The following RCAN1 variants were observed in gnomAD, a reference collection of about 807,000 sequenced individuals.
RCAN1 encodes the protein regulator of calcineurin 1, also known as calcipressin-1.
RCAN1 carries 11 observed loss-of-function variants against 22.9 expected under a neutral mutation model. The ratio of observed to expected loss-of-function variants is 0.48; its 90% confidence interval spans 0.30 to 0.79. The LOEUF is 0.79. Ranked by LOEUF, RCAN1 falls within the 30% of genes least tolerant of loss-of-function variation. RCAN1 has a pLI of 0.06. For missense variants in RCAN1, 291 were observed against 337.8 expected, an observed-to-expected ratio of 0.86 and a Z score of 1.09; for synonymous variants, 136 against 142.3, an observed-to-expected ratio of 0.96 and a Z score of 0.32.
chr21:34,529,498 G>A (rs1985257758), intron 1 of RCAN1, among the ~76,000 whole-genome samples: 1 of 152,194 alleles, frequency 6.6e-6, no homozygotes, highest in African/African-American at 2.4e-5. Context: ...TGCTAAGAGA[G>A]TCTGTCTTTG....
chr21:34,548,526 G>A (rs995267816), intron 1 of RCAN1, among the ~76,000 whole-genome samples: 11 of 151,030 alleles, frequency 7.3e-5, no homozygotes, highest in African/African-American at 2.7e-4. Context: ...AGGCAGTACT[G>A]CTGAGAATTT....
chr21:34,560,072 C>G (rs906723167), intron 1 of RCAN1: 1 of 152,204 alleles, frequency 6.6e-6, no homozygotes, highest in Non-Finnish European at 1.5e-5. Flanking sequence ...CTTTCTCCCC[C>G]CAACAATTTT....
Position 34,614,859 on chromosome 21 carries a change from G to A in RCAN1, c.153C>T (p.Phe51=). The part of the protein sequence containing the change: ...EADEGGGDWS[F]IDCEMEEVDL... ...CCACCTCCTCCATCTCGCAGTCAAT[G>A]AAGCTCCAGTCGCCGCCGCCCTCGT... The change falls in exon 1 of 4, where the codon TTC becomes TTT. Residue 51 remains phenylalanine (F), a synonymous_variant. Coordinates refer to ENST00000313806, the MANE Select transcript of RCAN1 (RefSeq NM_004414.7). The surrounding 1 kb of genome is among the most constrained non-coding windows in gnomAD (Gnocchi z 6.0). 1 of 1,473,160 alleles carries A rather than the reference G, an allele frequency of 6.8e-7. No homozygotes were observed. The highest frequency in any genetic ancestry group is 1.2e-5 in the South Asian group (1 of 80,430). 91.3% of individuals were successfully genotyped at this position (1,473,160 alleles called of 1,614,324 possible). A position where few individuals can be genotyped will look rare whatever the true frequency, so the allele number is the denominator to read the frequency against.
At chr21:34,525,491 T>C (rs1984984242) in intron 1 of RCAN1, 3 of 1,089,336 alleles carry the variant, frequency 2.8e-6, no homozygotes, top group Non-Finnish European at 3.7e-6. Flanking sequence ...CTTCGTACAT[T>C]TGGAATTTTG....
chr21:34,563,971 A>G (rs1986910309), intron 1 of RCAN1, among the ~76,000 whole-genome samples: 1 of 151,550 alleles, frequency 6.6e-6, no homozygotes, highest in Non-Finnish European at 1.5e-5. Flanking sequence ...GTCCCAAAAA[A>G]GAAAAAAAGA....
intron 1 of RCAN1, among the ~76,000 whole-genome samples, chr21:34,575,649 A>G (rs967823339): frequency 2.6e-5 from 4 of 152,132 alleles, no homozygotes; most frequent in African/African-American, 9.7e-5. Context: ...CAGCCTCCCA[A>G]GCAACTGGGG....
chr21:34,603,223 C>A (rs1403681620), intron 1 of RCAN1, among the ~76,000 whole-genome samples: 1 of 152,178 alleles, frequency 6.6e-6, no homozygotes, highest in Non-Finnish European at 1.5e-5. Flanking sequence ...GTTACTGCCC[C>A]CCGGCGGCGA....
At chr21:34,539,081 G>A (rs979969981) in intron 1 of RCAN1, among the ~76,000 whole-genome samples, 6 of 152,052 alleles carry the variant, frequency 3.9e-5, no homozygotes, top group African/African-American at 7.3e-5. Context: ...TAAGATTAGC[G>A]GTAAATTCAA....
intron 1 of RCAN1, among the ~76,000 whole-genome samples, chr21:34,588,003 AG>A (rs1987855047): frequency 6.6e-6 from 1 of 152,196 alleles, no homozygotes; most frequent in Admixed American, 6.5e-5. Flanking sequence ...CTGTAACATC[AG>A]TTCATTCCTG....
chr21:34,544,155 C>A (rs1325635517), intron 1 of RCAN1, among the ~76,000 whole-genome samples: 1 of 152,226 alleles, frequency 6.6e-6, no homozygotes, highest in Non-Finnish European at 1.5e-5. Context: ...AGGCTGAATT[C>A]TCAAATGGCC....
rs938648541 is a variant in RCAN1 at position 34,517,966 on chromosome 21, G to A, written c.*118C>T. The A allele has an allele frequency of 2.7e-5, 33 of 1,238,556 alleles. No individual in the cohort carries two copies. The highest frequency in any genetic ancestry group is 1.2e-4 in the Admixed American group (6 of 51,796). 76.7% of individuals were successfully genotyped at this position (1,238,556 alleles called of 1,614,324 possible). On this transcript the variant is annotated 3_prime_UTR_variant, in exon 4 of 4. Coordinates refer to ENST00000313806, the MANE Select transcript of RCAN1 (RefSeq NM_004414.7). Reference sequence around the variant, plus strand: ...ATTCTCTTCTGAGCAACATGAACTGGGATTTCTGCCACCCCGATCTCGGCT... The same window carrying A: ...ATTCTCTTCTGAGCAACATGAACTGAGATTTCTGCCACCCCGATCTCGGCT...
intron 1 of RCAN1, among the ~76,000 whole-genome samples, chr21:34,583,089 T>C (rs1259543274): frequency 1.3e-5 from 2 of 152,126 alleles, no homozygotes; most frequent in East Asian, 3.9e-4. Flanking sequence ...GACTGAACTA[T>C]GTTCATGTCC....
intron 1 of RCAN1, among the ~76,000 whole-genome samples, chr21:34,578,786 G>A (rs537979200): frequency 6.6e-6 from 1 of 152,280 alleles, no homozygotes; most frequent in African/African-American, 2.4e-5. Flanking sequence ...AGTGGTCTCG[G>A]TTGCTCTAAA....
chr21:34,554,900 C>A (rs1250657437), intron 1 of RCAN1, among the ~76,000 whole-genome samples: 2 of 152,216 alleles, frequency 1.3e-5, no homozygotes, highest in African/African-American at 2.4e-5. Flanking sequence ...TTAAAACCAT[C>A]AGATTTTGTG....
chr21:34,572,015 C>G (rs1035949098), intron 1 of RCAN1, among the ~76,000 whole-genome samples: 5 of 152,130 alleles, frequency 3.3e-5, no homozygotes, highest in Admixed American at 1.3e-4. Flanking sequence ...TCAAGAAGAG[C>G]TCCCTTTTAT....
chr21:34,522,592 G>C (rs1023008048), intron 2 of RCAN1: 1 of 152,122 alleles, frequency 6.6e-6, no homozygotes. Flanking sequence ...CAGCAAGTTC[G>C]CTGTCCTCAC....
At chr21:34,538,719 C>T (rs1161242623) in intron 1 of RCAN1, among the ~76,000 whole-genome samples, 1 of 152,136 alleles carries the variant, frequency 6.6e-6, no homozygotes, top group Non-Finnish European at 1.5e-5. Context: ...CTTGATACCC[C>T]CACGTTGGTC....
intron 1 of RCAN1, among the ~76,000 whole-genome samples, chr21:34,530,638 T>A (rs111388967): frequency 1.5e-5 from 2 of 131,960 alleles, no homozygotes; most frequent in African/African-American, 6.3e-5. Flanking sequence ...TTTTTTTTTT[T>A]TTTTTGAGAC....
chr21:34,594,055 T>C (rs1988064469), intron 1 of RCAN1, among the ~76,000 whole-genome samples: 1 of 152,138 alleles, frequency 6.6e-6, no homozygotes, highest in Non-Finnish European at 1.5e-5. Flanking sequence ...AAATGTTACA[T>C]GATGATGGAT....
Sources: gnomAD v4.1 joint callset for allele counts (sites outside exome capture counted in the v4.1 genomes callset) on GRCh38, gnomAD v4.1.1 for gene constraint, Gnocchi (gnomAD v3.1) non-coding constraint, MANE v1.5 for transcripts, NCBI Gene and HGNC (gene_info 2026-07-23, HGNC 2026-07-21) for gene names.